PATJ: variants seen among roughly 807,000 people sequenced by gnomAD.
PATJ encodes PATJ crumbs cell polarity complex component.
Under a neutral mutation model 224.9 loss-of-function variants are expected in PATJ, and 190 were observed. That is an observed-to-expected ratio of 0.84 (90% CI 0.75 to 0.95). PATJ has a LOEUF of 0.95. Ranked by LOEUF, PATJ falls within the 40% of genes least tolerant of loss-of-function variation. PATJ has a pLI of 0.00. For missense variants in PATJ, 2,121 were observed against 2,270.3 expected (o/e 0.93, Z 1.34); for synonymous variants, 769 against 820.3 (o/e 0.94, Z 1.07).
intron 29 of PATJ, among the ~76,000 whole-genome samples, chr1:62,022,850 T>C (rs1123777): frequency 0.14 from 20,701 of 152,234 alleles, 1,716 homozygotes; most frequent in Middle Eastern, 0.24. Context: ...ATTGAACATA[T>C]GTCTTCCTTT....
chr1:62,158,522 A>C (rs543732312), intron 43 of PATJ, among the ~76,000 whole-genome samples: 4 of 148,714 alleles, frequency 2.7e-5, no homozygotes, highest in East Asian at 3.9e-4. Flanking sequence ...GATTGAGACC[A>C]TCCTGGCTAA....
chr1:61,941,477 C>T (rs907354721), intron 27 of PATJ, among the ~76,000 whole-genome samples: 46 of 152,144 alleles, frequency 3.0e-4, no homozygotes, highest in African/African-American at 1.1e-3. Context: ...ATGGTGAAAC[C>T]CCATCTCTAC....
intron 14 of PATJ, among the ~76,000 whole-genome samples, chr1:61,821,543 G>A (rs1657267875): frequency 6.6e-6 from 1 of 152,160 alleles, no homozygotes; most frequent in Non-Finnish European, 1.5e-5. Context: ...TGTCTATAGT[G>A]AGACAGAAGT....
intron 3 of PATJ, among the ~76,000 whole-genome samples, chr1:61,763,532 CAA>C (rs201666311): frequency 0.026 from 1,946 of 75,430 alleles, 47 homozygotes; most frequent in African/African-American, 0.081. Flanking sequence ...GACCCTGTCT[CAA>C]AAAAAAAAAA....
rs954241418 is a variant in PATJ at position 61,943,308 on chromosome 1, G to A, written c.3670+15479G>A. Among the ~76,000 whole-genome samples the A allele has an allele frequency of 3.9e-5, 6 of 152,216 alleles. No homozygotes were observed. The East Asian group carries it at 9.6e-4, about 24-fold the overall frequency. On this transcript the variant is annotated intron_variant, in intron 27 of 43. Transcript: ENST00000642238. ...GCAGGGCGGGGCATCGCCTCACCCA[G>A]GAAGTGCGAGGGGTCAGGGAATTCC...
Position 61,875,225 on chromosome 1 carries a change from A to G in PATJ, c.2836-18A>G. The G allele has an allele frequency of 6.5e-7, 1 of 1,532,406 alleles. No individual in the cohort carries two copies. 94.9% of individuals were successfully genotyped at this position (1,532,406 alleles called of 1,614,324 possible). On this transcript the variant is annotated intron_variant, in intron 20 of 43. Coordinates refer to ENST00000642238, the MANE Select transcript of PATJ (RefSeq NM_001350145.3). ...TTTCATAAAGTACTAATGCATTTCT[A>G]TTTTTCTTCCTCTCAAGATGAAAGA...
intron 30 of PATJ, among the ~76,000 whole-genome samples, chr1:62,041,793 G>A (rs1651530321): frequency 1.3e-5 from 2 of 152,128 alleles, no homozygotes; most frequent in Non-Finnish European, 2.9e-5. Context: ...CACTTTGGGA[G>A]GCCGAGGCGG....
chr1:61,948,103 A>G (rs1358065007), intron 27 of PATJ, among the ~76,000 whole-genome samples: 4 of 152,364 alleles, frequency 2.6e-5, no homozygotes, highest in Non-Finnish European at 4.4e-5. Context: ...CTAAAACCAT[A>G]AAAACCCTAG....
intron 42 of PATJ, among the ~76,000 whole-genome samples, chr1:62,151,636 G>A (rs1668650048): frequency 1.3e-5 from 2 of 152,064 alleles, no homozygotes; most frequent in African/African-American, 4.8e-5. Context: ...AGGGAGAGAG[G>A]GAAGAATATT....
chr1:62,145,681 G>A (rs1667968979), intron 41 of PATJ, among the ~76,000 whole-genome samples: 1 of 150,842 alleles, frequency 6.6e-6, no homozygotes, highest in African/African-American at 2.4e-5. Context: ...AAAAGGCCAG[G>A]TGCAGTGGCT....
At chr1:61,939,975 A>G (rs1677555978) in intron 27 of PATJ, among the ~76,000 whole-genome samples, 1 of 152,076 alleles carries the variant, frequency 6.6e-6, no homozygotes, top group East Asian at 1.9e-4. Context: ...CGCCCGGCCT[A>G]TATATGCTTA....
chr1:61,884,210 T>A lies in PATJ; in HGVS notation c.2960-27T>A, dbSNP rs776679922. On this transcript the variant is annotated intron_variant, in intron 21 of 43. Coordinates refer to ENST00000642238, the MANE Select transcript of PATJ (RefSeq NM_001350145.3). ...AAAGGAGAATGAGTGCCTCTTGTGT[T>A]CACTGTCATCTGGATTTGCTCTTCA... 13 of 1,556,436 alleles carry A rather than the reference T, an allele frequency of 8.4e-6. No individual in the cohort carries two copies. In the Admixed American group the frequency reaches 2.5e-4, roughly 30 times the overall value.
chr1:61,968,766 GT>G (rs1304164110), intron 27 of PATJ, among the ~76,000 whole-genome samples: 3 of 151,580 alleles, frequency 2.0e-5, no homozygotes, highest in Non-Finnish European at 2.9e-5. Context: ...GTGTCCAAGT[GT>G]TCTCATTGTT....
intron 14 of PATJ, among the ~76,000 whole-genome samples, chr1:61,819,207 G>A (rs1000564605): frequency 1.3e-5 from 2 of 152,118 alleles, no homozygotes; most frequent in Admixed American, 6.5e-5. Flanking sequence ...ACCTCCACTA[G>A]TGGGGCTCTG....
chr1:61,934,596 T>C (rs1312104987), intron 27 of PATJ, among the ~76,000 whole-genome samples: 1 of 152,170 alleles, frequency 6.6e-6, no homozygotes, highest in Non-Finnish European at 1.5e-5. Flanking sequence ...TGTCACCTCC[T>C]TTGGAAAAGC....
intron 17 of PATJ, among the ~76,000 whole-genome samples, chr1:61,844,656 G>T (rs977067439): frequency 6.6e-6 from 1 of 152,094 alleles, no homozygotes; most frequent in African/African-American, 2.4e-5. Context: ...TATCATAGGT[G>T]ATACGGTTTG....
At chr1:62,074,646 C>A (rs1227095310) in intron 31 of PATJ, among the ~76,000 whole-genome samples, 1 of 152,112 alleles carries the variant, frequency 6.6e-6, no homozygotes, top group African/African-American at 2.4e-5. Flanking sequence ...AATGTGTTTG[C>A]AAATACATTA....
chr1:61,790,196 C>G (rs1379808171), intron 8 of PATJ, among the ~76,000 whole-genome samples: 1 of 131,622 alleles, frequency 7.6e-6, no homozygotes, highest in East Asian at 2.1e-4. Context: ...AGAGCATGAT[C>G]CTGTCTCTGA....
chr1:61,943,569 G>A (rs979638656), intron 27 of PATJ, among the ~76,000 whole-genome samples: 3 of 152,176 alleles, frequency 2.0e-5, no homozygotes, highest in Non-Finnish European at 2.9e-5. Flanking sequence ...GCTTGAGTAG[G>A]TAAATGAAGC....
Sources: gnomAD v4.1 joint callset for allele counts (sites outside exome capture counted in the v4.1 genomes callset) on GRCh38, gnomAD v4.1.1 for gene constraint, MANE v1.5 for transcripts, NCBI Gene and HGNC (gene_info 2026-07-23, HGNC 2026-07-21) for gene names.